The following TMCO5A variants were observed in gnomAD, a reference collection of about 807,000 sequenced individuals.
TMCO5A encodes transmembrane and coiled-coil domain-containing protein 5A.
TMCO5A carries 34 observed loss-of-function variants against 42.3 expected under a neutral mutation model. That is an observed-to-expected ratio of 0.80 (90% CI 0.61 to 1.07). The LOEUF (loss-of-function observed/expected upper bound fraction) is 1.07. Ranked by LOEUF, TMCO5A falls within the 50% of genes least tolerant of loss-of-function variation. The pLI is 0.00. For missense variants in TMCO5A, 357 were observed against 327.9 expected (o/e 1.09, Z -0.69); for synonymous variants, 131 against 115.6 (o/e 1.13, Z -0.86).
chr15:37,944,459 A>C (rs1889862635), intron 10 of TMCO5A: 1 of 152,112 alleles, frequency 6.6e-6, no homozygotes, highest in South Asian at 2.1e-4. Context: ...TGACCTAGTG[A>C]TGTCTGAGCA....
At chr15:37,998,002 T>G in the TMCO5A span, among the ~76,000 whole-genome samples, 1 of 152,362 alleles carries the variant, frequency 6.6e-6, no homozygotes, top group East Asian at 1.9e-4. Flanking sequence ...TGTCTTCTTT[T>G]GAGAAATGTT....
At chr15:37,955,075 C>A (rs1319237598), downstream of TMCO5A, among the ~76,000 whole-genome samples, 2 of 151,632 alleles carry the variant, frequency 1.3e-5, no homozygotes, top group Non-Finnish European at 2.9e-5. Flanking sequence ...AACAAAATGG[C>A]AGAAGTAATT....
chr15:37,951,757 A>G (rs1890164604), downstream of TMCO5A, among the ~76,000 whole-genome samples: 1 of 152,164 alleles, frequency 6.6e-6, no homozygotes, highest in African/African-American at 2.4e-5. Context: ...ACACCAATTT[A>G]ACAACTATCT....
At chr15:37,979,244 CTCCTTAG>C in the TMCO5A span, among the ~76,000 whole-genome samples, 1 of 152,234 alleles carries the variant, frequency 6.6e-6, no homozygotes, top group Non-Finnish European at 1.5e-5. Flanking sequence ...GCTGGAGGTC[CTCCTTAG>C]TCCTTAGTCC....
chr15:38,032,146 G>A, the TMCO5A span, among the ~76,000 whole-genome samples: 1 of 151,992 alleles, frequency 6.6e-6, no homozygotes, highest in Admixed American at 6.6e-5. Context: ...GTAGAGACAG[G>A]TTTTCTCCAT....
the TMCO5A span, among the ~76,000 whole-genome samples, chr15:38,025,203 A>G: frequency 7.2e-6 from 1 of 139,000 alleles, no homozygotes; most frequent in Non-Finnish European, 1.6e-5. Flanking sequence ...GTGTGTGTGG[A>G]AGCAGAAAAT....
chr15:38,007,269 T>C, the TMCO5A span, among the ~76,000 whole-genome samples: 1 of 152,174 alleles, frequency 6.6e-6, no homozygotes, highest in South Asian at 2.1e-4. Context: ...ATTTCTCCAT[T>C]GATAAAATGA....
At chr15:37,971,929 T>C (rs1255191136), downstream of TMCO5A, among the ~76,000 whole-genome samples, 1 of 152,222 alleles carries the variant, frequency 6.6e-6, no homozygotes, top group Admixed American at 6.5e-5. Flanking sequence ...TCCCCACATT[T>C]TCCTGTCTTC....
chr15:37,936,657 G>C (rs1889524586), intron 3 of TMCO5A, among the ~76,000 whole-genome samples, 190 bp from the exon 4 acceptor site: 1 of 152,158 alleles, frequency 6.6e-6, no homozygotes, highest in Non-Finnish European at 1.5e-5. Context: ...AGATGGAGTT[G>C]AGAGAACACT....
At chr15:37,998,440 C>T in the TMCO5A span, among the ~76,000 whole-genome samples, 1 of 152,082 alleles carries the variant, frequency 6.6e-6, no homozygotes. Context: ...TTCCCAGCAC[C>T]GTTTATGAAA....
At chr15:37,956,273 CA>C (rs1183745947), downstream of TMCO5A, among the ~76,000 whole-genome samples, 2 of 151,810 alleles carry the variant, frequency 1.3e-5, no homozygotes, top group African/African-American at 4.8e-5. Context: ...GATAGAGACA[CA>C]AAAAACCCTT....
the TMCO5A span, among the ~76,000 whole-genome samples, chr15:38,002,649 T>C: frequency 7.9e-5 from 12 of 152,252 alleles, no homozygotes; most frequent in African/African-American, 2.2e-4. Flanking sequence ...TGATGTGTTC[T>C]TTAGTATGTC....
chr15:38,036,496 T>TCTCA, the TMCO5A span, among the ~76,000 whole-genome samples: 1 of 63,552 alleles, frequency 1.6e-5, no homozygotes, highest in Admixed American at 1.5e-4. Context: ...TCTCTCTCTC[T>TCTCA]CACACACACA....
At chr15:38,030,024 T>C in the TMCO5A span, among the ~76,000 whole-genome samples, 1 of 152,122 alleles carries the variant, frequency 6.6e-6, no homozygotes, top group Non-Finnish European at 1.5e-5. Flanking sequence ...TTATCACGGG[T>C]AGAAAAAATA....
the TMCO5A span, among the ~76,000 whole-genome samples, chr15:37,976,328 T>C: frequency 6.6e-6 from 1 of 152,174 alleles, no homozygotes; most frequent in Non-Finnish European, 1.5e-5. Flanking sequence ...TCTTTCTAGA[T>C]GCCTTTAATA....
At chr15:37,979,298 A>G in the TMCO5A span, among the ~76,000 whole-genome samples, 1 of 152,118 alleles carries the variant, frequency 6.6e-6, no homozygotes, top group Non-Finnish European at 1.5e-5. Flanking sequence ...TGAGGGCAGC[A>G]GGAGCAGGAG....
At chr15:38,038,029 A>T in the TMCO5A span, among the ~76,000 whole-genome samples, 1 of 152,104 alleles carries the variant, frequency 6.6e-6, no homozygotes, top group South Asian at 2.1e-4. Context: ...AAAAAATAAA[A>T]AAAAAATACT....
chr15:37,975,218 T>C, the TMCO5A span, among the ~76,000 whole-genome samples: 6 of 152,190 alleles, frequency 3.9e-5, no homozygotes, highest in Non-Finnish European at 8.8e-5. Flanking sequence ...TATTCTGTTG[T>C]TTTTGGATAG....
Position 37,942,241 on chromosome 15 carries a change from C to T in TMCO5A, c.555C>T (p.Phe185=), listed in dbSNP as rs116364927. 152 of 1,612,790 alleles carry T rather than the reference C, an allele frequency of 9.4e-5. No individual in the cohort carries two copies. In the African/African-American group the frequency reaches 1.6e-3, roughly 17 times the overall value. Residue 185 remains phenylalanine, a synonymous_variant, in exon 9 of 12, where the codon TTC becomes TTT. Coordinates refer to ENST00000319669, the MANE Select transcript of TMCO5A (RefSeq NM_152453.4). Reference sequence around the variant, plus strand: ...TAGAAGAAGAACTAGAGGCTCTGTTCCTTGAGAGAGAAGTGTGAGCTTTGG... The same window carrying T: ...TAGAAGAAGAACTAGAGGCTCTGTTTCTTGAGAGAGAAGTGTGAGCTTTGG... ...KKIEEELEAL[F]LEREVSKLVS...
Sources: gnomAD v4.1 joint callset for allele counts (sites outside exome capture counted in the v4.1 genomes callset) on GRCh38, gnomAD v4.1.1 for gene constraint, MANE v1.5 for transcripts, NCBI Gene and HGNC (gene_info 2026-07-23, HGNC 2026-07-21) for gene names.